C12orf42: variants seen among roughly 807,000 people sequenced by gnomAD.
The protein encoded by C12orf42 is chromosome 12 open reading frame 42.
A neutral mutation model predicts 21.6 loss-of-function variants in C12orf42; 25 were observed. The observed-to-expected ratio is 1.16, with a 90% CI of 0.84 to 1.62. C12orf42 has a LOEUF of 1.62. Ranked by LOEUF, C12orf42 falls within the 40% of genes most tolerant of loss-of-function variation. C12orf42 has a pLI of 0.00. For missense variants in C12orf42, 483 were observed against 459.3 expected (o/e 1.05, Z -0.47); for synonymous variants, 174 against 175.0 (o/e 0.99, Z 0.05).
downstream of C12orf42, among the ~76,000 whole-genome samples, chr12:103,234,664 C>A (rs1520193): frequency 2.0e-5 from 3 of 152,088 alleles, no homozygotes; most frequent in Admixed American, 1.3e-4. Context: ...GCTTTGTTTT[C>A]TAACCCTGTC....
intron 2 of C12orf42, among the ~76,000 whole-genome samples, chr12:103,467,502 G>A (rs1308171091): frequency 2.0e-5 from 3 of 152,170 alleles, no homozygotes; most frequent in African/African-American, 4.8e-5. Context: ...CAAGCCTTGA[G>A]CCTGCAGATT....
chr12:103,287,963 T>G (rs936133257), intron 4 of C12orf42, among the ~76,000 whole-genome samples: 8 of 152,150 alleles, frequency 5.3e-5, no homozygotes, highest in African/African-American at 1.7e-4. Flanking sequence ...GCCTCCCTAT[T>G]TCAATGCTGT....
the C12orf42 span, among the ~76,000 whole-genome samples, chr12:103,052,100 T>C: frequency 2.6e-5 from 4 of 152,192 alleles, no homozygotes; most frequent in African/African-American, 9.6e-5. Context: ...TTTATTTTAC[T>C]ATTGGTAGAC....
At chr12:103,427,189 T>A (rs1290121165) in intron 2 of C12orf42, among the ~76,000 whole-genome samples, 3 of 150,654 alleles carry the variant, frequency 2.0e-5, no homozygotes, top group Admixed American at 6.6e-5. Context: ...TCAAGACCCA[T>A]CAGTGTGCTG....
At chr12:103,077,781 G>A in the C12orf42 span, among the ~76,000 whole-genome samples, 20 of 152,252 alleles carry the variant, frequency 1.3e-4, no homozygotes, top group African/African-American at 3.6e-4. Context: ...TGTCACTGGC[G>A]TTATGGAAGG....
intron 10 of C12orf42, among the ~76,000 whole-genome samples, chr12:103,256,417 T>G (rs1413533455): frequency 6.6e-6 from 1 of 151,016 alleles, no homozygotes; most frequent in East Asian, 1.9e-4. Context: ...TACAAACAAA[T>G]GGAAACAAAC....
chr12:103,434,871 G>C (rs538805089), intron 2 of C12orf42, among the ~76,000 whole-genome samples: 10 of 152,204 alleles, frequency 6.6e-5, no homozygotes, highest in Non-Finnish European at 1.5e-4. Context: ...CAAAGCAGCC[G>C]GGAAGCTCGA....
chr12:103,561,866 AC>A, the C12orf42 span, among the ~76,000 whole-genome samples: 2 of 152,004 alleles, frequency 1.3e-5, no homozygotes, highest in African/African-American at 4.8e-5. Context: ...TGATCTCAAG[AC>A]CCCTTTCCCT....
chr12:103,444,118 C>A (rs1951431422), intron 2 of C12orf42, among the ~76,000 whole-genome samples: 1 of 151,832 alleles, frequency 6.6e-6, no homozygotes, highest in South Asian at 2.1e-4. Context: ...GTTTGTTACC[C>A]ATTTTAATAA....
At chr12:103,171,116 T>C in the C12orf42 span, among the ~76,000 whole-genome samples, 1 of 152,268 alleles carries the variant, frequency 6.6e-6, no homozygotes, top group Non-Finnish European at 1.5e-5. Context: ...CATCCAAGAT[T>C]GTCACCTTTA....
At chr12:103,212,966 C>CAT in the C12orf42 span, among the ~76,000 whole-genome samples, 32 of 150,732 alleles carry the variant, frequency 2.1e-4, no homozygotes, top group Middle Eastern at 3.4e-3. Context: ...TGTATGTATG[C>CAT]ATATATATAT....
At chr12:103,560,755 G>C in the C12orf42 span, among the ~76,000 whole-genome samples, 1 of 152,206 alleles carries the variant, frequency 6.6e-6, no homozygotes, top group African/African-American at 2.4e-5. Flanking sequence ...CATACGCAAA[G>C]TCCATGACTC....
chr12:103,530,769 G>A, the C12orf42 span, among the ~76,000 whole-genome samples: 1 of 152,068 alleles, frequency 6.6e-6, no homozygotes, highest in South Asian at 2.1e-4. Context: ...GACCTAATCG[G>A]TTCAAATGCT....
intron 3 of C12orf42, among the ~76,000 whole-genome samples, chr12:103,377,209 C>T (rs139444995): frequency 6.3e-4 from 96 of 152,026 alleles, no homozygotes; most frequent in Middle Eastern, 3.4e-3. Flanking sequence ...TGTGTAGTTT[C>T]AGTGTCTTCT....
At chr12:103,475,997 G>A (rs535644430) in intron 2 of C12orf42, among the ~76,000 whole-genome samples, 2 of 152,248 alleles carry the variant, frequency 1.3e-5, no homozygotes, top group South Asian at 4.1e-4. Flanking sequence ...ACATATTCAA[G>A]TACAAGATGT....
intron 4 of C12orf42, among the ~76,000 whole-genome samples, chr12:103,337,625 T>C (rs2041813533): frequency 6.6e-6 from 1 of 152,170 alleles, no homozygotes; most frequent in Non-Finnish European, 1.5e-5. Flanking sequence ...GTGCTGGGAT[T>C]ACAGGTGTGA....
chr12:103,137,785 T>C, the C12orf42 span, among the ~76,000 whole-genome samples: 3 of 152,090 alleles, frequency 2.0e-5, no homozygotes, highest in Non-Finnish European at 4.4e-5. Flanking sequence ...AGACAAATAC[T>C]GCATGTTCTC....
At chr12:103,203,152 C>T in the C12orf42 span, among the ~76,000 whole-genome samples, 1 of 152,106 alleles carries the variant, frequency 6.6e-6, no homozygotes, top group South Asian at 2.1e-4. Context: ...TTTCACTTCC[C>T]CATTTGTCAA....
At chr12:103,151,761 T>C in the C12orf42 span, 2 of 152,224 alleles carry the variant, frequency 1.3e-5, no homozygotes, top group East Asian at 3.8e-4. Context: ...AAGAATATTA[T>C]GTTAAGCAGA....
Sources: allele counts gnomAD v4.1 joint callset (sites outside exome capture counted in the v4.1 genomes callset), GRCh38; gene constraint gnomAD v4.1.1; transcripts MANE v1.5; gene names NCBI Gene and HGNC (gene_info 2026-07-23, HGNC 2026-07-21).